BCAS4: variants seen among roughly 807,000 people sequenced by gnomAD.
The protein encoded by BCAS4 is breast carcinoma amplified sequence 4.
Under a neutral mutation model 15.7 loss-of-function variants are expected in BCAS4, and 9 were observed. The ratio of observed to expected loss-of-function variants is 0.57; its 90% CI spans 0.34 to 1.00. BCAS4 has a LOEUF of 1.00. Among genes scored for constraint, BCAS4 ranks in the 50% least tolerant of loss-of-function variants. BCAS4 has a pLI of 0.02. For missense variants in BCAS4, 225 were observed against 239.1 expected (o/e 0.94, Z 0.39); for synonymous variants, 101 against 99.5 (o/e 1.02, Z -0.09).
chr20:50,863,953 C>A (rs1489404898), intron 4 of BCAS4, among the ~76,000 whole-genome samples: 3 of 152,214 alleles, frequency 2.0e-5, no homozygotes, highest in Non-Finnish European at 2.9e-5. Context: ...ATGTGCCCCC[C>A]CAAATTCTAC....
At chr20:50,805,759 G>A (rs1233471923) in intron 1 of BCAS4, among the ~76,000 whole-genome samples, 1 of 152,156 alleles carries the variant, frequency 6.6e-6, no homozygotes, top group East Asian at 1.9e-4. Flanking sequence ...TGGATCACCT[G>A]AGGTCAGTAG....
intron 4 of BCAS4, among the ~76,000 whole-genome samples, chr20:50,857,583 C>T (rs1238857812): frequency 6.6e-6 from 1 of 152,192 alleles, no homozygotes; most frequent in African/African-American, 2.4e-5. Context: ...GGACCGCTGC[C>T]ATCTGAGGGA....
intron 2 of BCAS4, among the ~76,000 whole-genome samples, chr20:50,823,426 C>A (rs1274239405): frequency 1.3e-5 from 2 of 150,780 alleles, no homozygotes; most frequent in South Asian, 2.2e-4. Flanking sequence ...ATGAGTAAAG[C>A]AATTATTGAT....
At chr20:50,870,666 G>A (rs1158052215) in intron 4 of BCAS4, among the ~76,000 whole-genome samples, 8 of 152,218 alleles carry the variant, frequency 5.3e-5, no homozygotes. Flanking sequence ...AAGAGAAACC[G>A]GCAGTCTGCT....
At chr20:50,842,746 C>T (rs573068595) in intron 4 of BCAS4, among the ~76,000 whole-genome samples, 40 of 152,190 alleles carry the variant, frequency 2.6e-4, no homozygotes, top group African/African-American at 9.1e-4. Context: ...GGTGAGAAGA[C>T]GGAGGCTCGG....
At chr20:50,842,022 G>A in intron 4 of BCAS4, 122 bp downstream of exon 4, 3 of 1,279,542 alleles carry the variant, frequency 2.3e-6, no homozygotes, top group South Asian at 1.6e-5. Context: ...TCTGCAGACA[G>A]GAAACGGGTA....
chr20:50,847,879 C>CA (rs897491660), intron 4 of BCAS4, among the ~76,000 whole-genome samples: 14 of 151,082 alleles, frequency 9.3e-5, no homozygotes, highest in Admixed American at 2.0e-4. Context: ...CCATCTCTAC[C>CA]AAAAAAAATA....
At chr20:50,804,543 A>G (rs2087967496) in intron 1 of BCAS4, among the ~76,000 whole-genome samples, 1 of 152,196 alleles carries the variant, frequency 6.6e-6, no homozygotes, top group African/African-American at 2.4e-5. Flanking sequence ...CACATACATC[A>G]TTTTGCATTT....
chr20:50,878,138 C>A (rs986705343), downstream of BCAS4: 1 of 152,080 alleles, frequency 6.6e-6, no homozygotes, highest in Non-Finnish European at 1.5e-5. Context: ...TATAGGTAGA[C>A]CCCTTGTTTC....
chr20:50,876,264 T>C (rs1979934649), intron 4 of BCAS4, among the ~76,000 whole-genome samples: 1 of 152,054 alleles, frequency 6.6e-6, no homozygotes, highest in South Asian at 2.1e-4. Flanking sequence ...CTGGCTCTTC[T>C]TGATGCCTAC....
chr20:50,817,433 G>A (rs1304451767), intron 1 of BCAS4, among the ~76,000 whole-genome samples: 1 of 152,100 alleles, frequency 6.6e-6, no homozygotes, highest in Non-Finnish European at 1.5e-5. Flanking sequence ...TAGCAGTCTG[G>A]CACATATCAT....
chr20:50,840,746 A>C (rs1385378996), intron 3 of BCAS4: 1 of 1,610,586 alleles, frequency 6.2e-7, no homozygotes, highest in Non-Finnish European at 8.5e-7. Context: ...GATTTGTCAG[A>C]CATGGTTACG....
At chr20:50,838,624 C>T (rs569401357) in intron 3 of BCAS4, among the ~76,000 whole-genome samples, 3 of 152,208 alleles carry the variant, frequency 2.0e-5, no homozygotes, top group East Asian at 3.9e-4. Context: ...GCGGGTGGGT[C>T]ACCTGAGATT....
chr20:50,835,534 A>C (rs192679242), intron 3 of BCAS4, among the ~76,000 whole-genome samples: 61 of 152,138 alleles, frequency 4.0e-4, no homozygotes, highest in African/African-American at 1.3e-3. Context: ...GTGAGCCACC[A>C]TGCCTGGCCT....
At chr20:50,816,791 A>ATTTATT (rs2088143062) in intron 1 of BCAS4, among the ~76,000 whole-genome samples, 2 of 80,898 alleles carry the variant, frequency 2.5e-5, no homozygotes, top group Admixed American at 2.9e-4. Context: ...TGCCTGGCTA[A>ATTTATT]TTTTTTTTTT....
chr20:50,844,897 T>C (rs570958264), intron 4 of BCAS4, among the ~76,000 whole-genome samples: 1 of 152,276 alleles, frequency 6.6e-6, no homozygotes, highest in Non-Finnish European at 1.5e-5. Context: ...GGGTGAGTCA[T>C]TCAGCAACCC....
chr20:50,837,983 C>T (rs6096117), intron 3 of BCAS4, among the ~76,000 whole-genome samples: 9,686 of 145,108 alleles, frequency 0.067, 398 homozygotes, highest in African/African-American at 0.13. Flanking sequence ...CACACACACA[C>T]GCACACATCT....
At chr20:50,831,754 C>T (rs2088346409) in intron 3 of BCAS4, among the ~76,000 whole-genome samples, 1 of 152,072 alleles carries the variant, frequency 6.6e-6, no homozygotes, top group Admixed American at 6.6e-5. Context: ...GACCCTGGCT[C>T]CTTGCACAGC....
intron 3 of BCAS4, among the ~76,000 whole-genome samples, chr20:50,834,115 G>C (rs981907407): frequency 6.6e-6 from 1 of 152,126 alleles, no homozygotes; most frequent in African/African-American, 2.4e-5. Context: ...GGCCTGGAGT[G>C]TGGACCCTGT....
Sources: allele counts gnomAD v4.1 joint callset (sites outside exome capture counted in the v4.1 genomes callset), GRCh38; gene constraint gnomAD v4.1.1; transcripts MANE v1.5; gene names NCBI Gene and HGNC (gene_info 2026-07-23, HGNC 2026-07-21).